The following TCEA1 variants were observed in gnomAD, a reference collection of about 807,000 sequenced individuals.
TCEA1 encodes transcription elongation factor A1, also known as transcription elongation factor A protein 1.
TCEA1 carries 21 observed loss-of-function variants against 43.8 expected under a neutral mutation model. The observed-to-expected ratio is 0.48, with a 90% CI of 0.34 to 0.69. TCEA1 has a LOEUF of 0.69. TCEA1 is among the 30% of genes least tolerant of loss of function. TCEA1 has a pLI of 0.01. For missense variants in TCEA1, 250 were observed against 365.1 expected (o/e 0.68, Z 2.57); for synonymous variants, 104 against 117.5 (o/e 0.88, Z 0.75).
chr8:54,021,515 G>A (rs1052365806), intron 1 of TCEA1: 4 of 152,132 alleles, frequency 2.6e-5, no homozygotes, highest in Non-Finnish European at 4.4e-5. Context: ...CAAGAAACTG[G>A]CACACTTTAC....
rs1706513321 is a variant in TCEA1 at position 53,967,549 on chromosome 8, C to T, written c.*555G>A. On this transcript the variant is annotated 3_prime_UTR_variant, in exon 10 of 10. Transcript: ENST00000521604. ...AGATGCAAAATAATATCTAATATTCCAAGCTTGTGAACATAATAATTAAAA... is the reference window on the plus strand; with the variant it reads ...AGATGCAAAATAATATCTAATATTCTAAGCTTGTGAACATAATAATTAAAA... 1.0e-5 allele frequency: 2 copies of T among 197,496 alleles called. No homozygotes were observed. Among genetic ancestry groups the T allele is most frequent in the South Asian group, 1.9e-4 (1 of 5,210 alleles). The allele number at this position is 197,496 out of a possible 1,614,324, so 12.2% of individuals were successfully genotyped here.
intron 6 of TCEA1, 55 bp from the exon 7 acceptor site, chr8:53,984,572 T>C: frequency 6.9e-7 from 1 of 1,443,500 alleles, no homozygotes; most frequent in Admixed American, 2.7e-5. Flanking sequence ...TCACTTTTTT[T>C]TCCTGTTCTG....
intron 7 of TCEA1, among the ~76,000 whole-genome samples, chr8:53,983,477 T>C (rs1803582515): frequency 6.6e-6 from 1 of 152,204 alleles, no homozygotes; most frequent in Non-Finnish European, 1.5e-5. Flanking sequence ...TTTTCCATAA[T>C]TCCCTGTAAA....
At position 53,967,177 on chromosome 8, in the gene TCEA1, A is replaced by G. The variant is rs546416515; in HGVS notation, c.*927T>C. 4.8e-6 allele frequency: 1 copy of G among 206,572 alleles called. No homozygotes were observed. The highest frequency in any genetic ancestry group is 1.9e-4 in the South Asian group (1 of 5,304). 12.8% of individuals were successfully genotyped at this position (206,572 alleles called of 1,614,324 possible). A position where few individuals can be genotyped will look rare whatever the true frequency, so the allele number is the denominator to read the frequency against. On this transcript the variant is annotated 3_prime_UTR_variant, in exon 10 of 10. Coordinates refer to ENST00000521604, the MANE Select transcript of TCEA1 (RefSeq NM_006756.4). ...GCTTTAATGAATTATACAATCCTTA[A>G]GATTAATCCTTGGTCAGTATAGATT...
At chr8:54,012,831 A>G (rs1563516145) in intron 1 of TCEA1, among the ~76,000 whole-genome samples, 1 of 152,044 alleles carries the variant, frequency 6.6e-6, no homozygotes. Context: ...CTACTCCAGA[A>G]GCTGAGGCGG....
At chr8:54,006,465 GTGAAACTC>G (rs1465584865) in intron 2 of TCEA1, among the ~76,000 whole-genome samples, 1 of 151,908 alleles carries the variant, frequency 6.6e-6, no homozygotes, top group East Asian at 1.9e-4. Flanking sequence ...GGCAACAAGA[GTGAAACTC>G]CATCTCAAAG....
chr8:54,007,802 C>T (rs1466145702), intron 2 of TCEA1, among the ~76,000 whole-genome samples: 1 of 152,090 alleles, frequency 6.6e-6, no homozygotes, highest in African/African-American at 2.4e-5. Flanking sequence ...AAAACATCAA[C>T]CAGAAAATAA....
At chr8:53,996,381 G>A (rs117511322) in intron 3 of TCEA1, among the ~76,000 whole-genome samples, 2 of 152,336 alleles carry the variant, frequency 1.3e-5, no homozygotes, top group East Asian at 3.9e-4. Context: ...TAACCGCTCA[G>A]TGCCTCAGAT....
intron 3 of TCEA1, among the ~76,000 whole-genome samples, chr8:53,999,120 CG>C (rs1359960269): frequency 6.7e-6 from 1 of 148,176 alleles, no homozygotes; most frequent in Non-Finnish European, 1.5e-5. Context: ...CCCAGCTACT[CG>C]GGAGGCTGAG....
intron 8 of TCEA1, among the ~76,000 whole-genome samples, chr8:53,976,831 T>C (rs1227217234): frequency 6.6e-6 from 1 of 152,214 alleles, no homozygotes; most frequent in Non-Finnish European, 1.5e-5. Flanking sequence ...TGTTGATGCA[T>C]TTTAGTAACA....
At chr8:53,968,293 C>T (rs571156716) in intron 9 of TCEA1, among the ~76,000 whole-genome samples, 181 bp from the exon 10 acceptor site, 21 of 151,862 alleles carry the variant, frequency 1.4e-4, no homozygotes, top group Admixed American at 3.9e-4. Flanking sequence ...CTTAGAACTA[C>T]TAGGAACATA....
At chr8:53,997,850 T>C (rs1259148841) in intron 3 of TCEA1, among the ~76,000 whole-genome samples, 2 of 152,106 alleles carry the variant, frequency 1.3e-5, no homozygotes, top group African/African-American at 2.4e-5. Context: ...CTAGGCAACA[T>C]AGCAAGACCC....
At chr8:54,005,353 C>T (rs1185819486) in intron 2 of TCEA1, among the ~76,000 whole-genome samples, 1 of 152,186 alleles carries the variant, frequency 6.6e-6, no homozygotes, top group Non-Finnish European at 1.5e-5. Context: ...ACACTCACAT[C>T]AGAAACATTT....
chr8:54,004,284 T>C (rs190496272), intron 2 of TCEA1, among the ~76,000 whole-genome samples: 11 of 152,012 alleles, frequency 7.2e-5, no homozygotes, highest in Admixed American at 3.3e-4. Context: ...CATTCCCAGG[T>C]ATCTACACAA....
chr8:54,016,233 T>G (rs1753967544), intron 1 of TCEA1, among the ~76,000 whole-genome samples: 1 of 152,124 alleles, frequency 6.6e-6, no homozygotes, highest in Non-Finnish European at 1.5e-5. Flanking sequence ...TCCCGGCACT[T>G]TAGGAGGCCG....
rs984158022 is a variant in TCEA1 at position 54,022,178 on chromosome 8, A to G, written c.-53T>C. On this transcript the variant is annotated 5_prime_UTR_variant, in exon 1 of 10. Coordinates refer to ENST00000521604, the MANE Select transcript of TCEA1 (RefSeq NM_006756.4). ...CCCCGCTGGCAAGGGGAAGTGGGCG[A>G]AGCTGGAGCGGAAGACACAGCAGGA... The G allele has an allele frequency of 4.1e-5, 65 of 1,576,512 alleles. No individual in the cohort carries two copies. The highest frequency in any genetic ancestry group is 5.1e-5 in the Non-Finnish European group (59 of 1,152,992).
chr8:53,993,514 ATAAAT>A, intron 4 of TCEA1, 149 bp downstream of exon 4: 3 of 539,152 alleles, frequency 5.6e-6, no homozygotes, highest in East Asian at 3.1e-5. Flanking sequence ...TGAAAAAAAA[ATAAAT>A]TAGAATACAT....
intron 8 of TCEA1, among the ~76,000 whole-genome samples, chr8:53,978,233 C>T (rs1274144397): frequency 2.6e-5 from 4 of 151,714 alleles, no homozygotes; most frequent in Non-Finnish European, 4.4e-5. Context: ...ACCCCATCTC[C>T]GCAAAAAAAT....
intron 7 of TCEA1, among the ~76,000 whole-genome samples, chr8:53,982,864 T>C (rs541368310): frequency 1.3e-5 from 2 of 152,200 alleles, no homozygotes; most frequent in Non-Finnish European, 2.9e-5. Context: ...GTCAACTTAG[T>C]TGATAAGGCA....
Sources: gnomAD v4.1 joint callset for allele counts (sites outside exome capture counted in the v4.1 genomes callset) on GRCh38, gnomAD v4.1.1 for gene constraint, MANE v1.5 for transcripts, NCBI Gene and HGNC (gene_info 2026-07-23, HGNC 2026-07-21) for gene names.